Variants in GSE1 observed in about 807,000 individuals in gnomAD.
GSE1 encodes Gse1 coiled-coil protein.
GSE1 carries 32 observed loss-of-function variants against 112.6 expected under a neutral mutation model. That is an observed-to-expected ratio of 0.28 (90% CI 0.21 to 0.38). GSE1 has a LOEUF of 0.38. Ranked by LOEUF, GSE1 falls within the 10% of genes least tolerant of loss-of-function variation. The pLI, the probability that GSE1 is intolerant of heterozygous loss-of-function variation, is 1.00. For missense variants in GSE1, 2,348 were observed against 1,699.2 expected (o/e 1.38, Z -6.71); for synonymous variants, 1,115 against 735.6 (o/e 1.52, Z -8.35).
At chr16:85,432,468 G>C (rs764159079) in intron 2 of GSE1, among the ~76,000 whole-genome samples, 1 of 152,232 alleles carries the variant, frequency 6.6e-6, no homozygotes. Context: ...CCCAGGTGCC[G>C]AGCAGCTGAG....
chr16:85,378,266 C>T (rs924530404), intron 2 of GSE1, among the ~76,000 whole-genome samples: 10 of 152,184 alleles, frequency 6.6e-5, no homozygotes, highest in African/African-American at 2.4e-4. Flanking sequence ...GTTCCGCCAG[C>T]CCCTCCCTCA....
intron 2 of GSE1, among the ~76,000 whole-genome samples, chr16:85,476,501 C>T (rs1182741374): frequency 2.0e-5 from 3 of 152,206 alleles, no homozygotes; most frequent in African/African-American, 4.8e-5. Context: ...GGTTGCTGCC[C>T]ATGCCTTCTG....
chr16:85,464,626 C>G (rs733273), intron 2 of GSE1, among the ~76,000 whole-genome samples: 5,389 of 152,274 alleles, frequency 0.035, 153 homozygotes, highest in East Asian at 0.16. Context: ...CACGAAGCCT[C>G]GGGAATGTGC....
At chr16:85,607,378 C>T (rs570013228), upstream of GSE1, among the ~76,000 whole-genome samples, 32 of 152,356 alleles carry the variant, frequency 2.1e-4, no homozygotes, top group Non-Finnish European at 4.1e-4. Flanking sequence ...CGCTTTCCAG[C>T]CGCGGTGGCG....
chr16:85,602,715 G>A (rs1344975576), intron 1 of GSE1, among the ~76,000 whole-genome samples: 1 of 152,206 alleles, frequency 6.6e-6, no homozygotes, highest in Non-Finnish European at 1.5e-5. Flanking sequence ...AGGACAGCCG[G>A]TTGATCTTTA....
upstream of GSE1, among the ~76,000 whole-genome samples, chr16:85,608,433 C>T (rs1161821613): frequency 4.6e-5 from 7 of 152,218 alleles, no homozygotes; most frequent in South Asian, 2.1e-4. Flanking sequence ...AGGCAGCTAA[C>T]GGCTCCCTCC....
rs1401146061 is a variant in GSE1, at chr16:85,478,895, C to T, written c.2464+121252C>T. 6.5e-5 allele frequency among the ~76,000 whole-genome samples: 5 copies of T among 76,400 alleles called. No homozygotes were observed. In the East Asian group the frequency reaches 1.6e-3, roughly 24 times the overall value. The allele number at this position is 76,400 out of a possible 152,430, so 50.1% of individuals were successfully genotyped here. On this transcript the variant is annotated intron_variant, in intron 2 of 2. Coordinates refer to the GSE1 transcript ENST00000637419. Reference sequence around the variant, plus strand: ...TCTTTCTTTCTTTCTTTCTTTCTTTCTTTCTTTCTTTCTTTCTTTCTTTCT... The same window carrying T: ...TCTTTCTTTCTTTCTTTCTTTCTTTTTTTCTTTCTTTCTTTCTTTCTTTCT...
chr16:85,308,951 G>A (rs1002572301), intron 1 of GSE1, among the ~76,000 whole-genome samples: 3 of 149,952 alleles, frequency 2.0e-5, no homozygotes, highest in Admixed American at 1.3e-4. Flanking sequence ...GCAGATGCAC[G>A]GGAGGTCTGC....
chr16:85,366,466 G>A (rs2047187682), intron 2 of GSE1, among the ~76,000 whole-genome samples: 1 of 152,254 alleles, frequency 6.6e-6, no homozygotes, highest in South Asian at 2.1e-4. Flanking sequence ...GGAACTTCTT[G>A]TAATGCCGGG....
chr16:85,313,932 G>GTA (rs2045923179), intron 1 of GSE1, among the ~76,000 whole-genome samples: 1 of 151,498 alleles, frequency 6.6e-6, no homozygotes, highest in East Asian at 1.9e-4. Context: ...GTGTGTGTGT[G>GTA]TGTGTGTGTG....
chr16:85,511,118 G>A (rs1038552539), intron 2 of GSE1, among the ~76,000 whole-genome samples: 6 of 152,218 alleles, frequency 3.9e-5, no homozygotes, highest in South Asian at 2.1e-4. Flanking sequence ...AACATTAGAC[G>A]GATGGAAGAG....
chr16:85,409,494 T>C (rs867610692), intron 2 of GSE1, among the ~76,000 whole-genome samples: 7 of 7,042 alleles, frequency 9.9e-4, no homozygotes, highest in South Asian at 0.013. Context: ...TAATCCTCAC[T>C]GTTGCACTCA....
chr16:85,431,639 C>G (rs1330862430), intron 2 of GSE1, among the ~76,000 whole-genome samples: 1 of 152,144 alleles, frequency 6.6e-6, no homozygotes, highest in Non-Finnish European at 1.5e-5. Context: ...GGCCATGGCA[C>G]CTGCCTCCCG....
At chr16:85,341,014 G>A (rs1285419284) in intron 1 of GSE1, among the ~76,000 whole-genome samples, 1 of 152,214 alleles carries the variant, frequency 6.6e-6, no homozygotes, top group Non-Finnish European at 1.5e-5. Context: ...TATGTGGAAA[G>A]TATTTAAAAC....
chr16:85,671,418 C>T (rs1307750647), intron 15 of GSE1, among the ~76,000 whole-genome samples: 8 of 119,380 alleles, frequency 6.7e-5, no homozygotes, highest in African/African-American at 1.0e-4. Flanking sequence ...CCAGCCTGGG[C>T]GACAGAGCGA....
At chr16:85,301,447 A>T (rs1182561454) in intron 1 of GSE1, among the ~76,000 whole-genome samples, 1 of 152,190 alleles carries the variant, frequency 6.6e-6, no homozygotes, top group Non-Finnish European at 1.5e-5. Flanking sequence ...GCCAGCAGAC[A>T]CAGGCTCCTG....
At chr16:85,363,172 A>G (rs914940095) in intron 2 of GSE1, among the ~76,000 whole-genome samples, 4 of 151,982 alleles carry the variant, frequency 2.6e-5, no homozygotes, top group Non-Finnish European at 4.4e-5. Context: ...GATGCCACAG[A>G]CCCTACCGCT....
rs1425618395 is a variant in GSE1, at chr16:85,574,726, C to T, written c.37+18363C>T. Among the ~76,000 whole-genome samples the T allele has an allele frequency of 2.0e-5, 3 of 152,210 alleles. No individual in the cohort carries two copies. The South Asian group carries it at 6.2e-4, about 32-fold the overall frequency. ...CCTTCGGAAAACACTGTGTCCTGTC[C>T]GCTGGTGGCTCTGCTGAGATTTGGC... On this transcript the variant is annotated intron_variant, in intron 1 of 2. Coordinates refer to the GSE1 transcript ENST00000635906.
chr16:85,321,964 T>G (rs1315814541), intron 1 of GSE1, among the ~76,000 whole-genome samples: 1 of 152,140 alleles, frequency 6.6e-6, no homozygotes, highest in Non-Finnish European at 1.5e-5. Flanking sequence ...CAAGTCCAGC[T>G]TCCTGACCGC....
Sources: allele counts gnomAD v4.1 joint callset (sites outside exome capture counted in the v4.1 genomes callset), GRCh38; gene constraint gnomAD v4.1.1; transcripts MANE v1.5; gene names NCBI Gene and HGNC (gene_info 2026-07-23, HGNC 2026-07-21).